Variants in ADD2 observed in about 807,000 individuals in gnomAD.
ADD2 encodes adducin 2.
Under a neutral mutation model 83.0 loss-of-function variants are expected in ADD2, and 23 were observed. The observed-to-expected ratio is 0.28, with a 90% CI of 0.20 to 0.39. The LOEUF is 0.39. Ranked by LOEUF, ADD2 falls within the 10% of genes least tolerant of loss-of-function variation. The pLI is 1.00. For synonymous variants in ADD2, 375 were observed against 375.4 expected, an observed-to-expected ratio of 1.00 and a Z score of 0.01; for missense variants, 758 against 944.9, an observed-to-expected ratio of 0.80 and a Z score of 2.59.
intron 1 of ADD2, chr2:70,767,463 C>G (rs1183437832): frequency 4.0e-6 from 1 of 247,776 alleles, no homozygotes; most frequent in East Asian, 1.5e-4. Flanking sequence ...AAGCCCGCCT[C>G]GCACCGCTAC....
chr2:70,742,005 TC>T (rs1456185974), intron 1 of ADD2, among the ~76,000 whole-genome samples: 72 of 152,000 alleles, frequency 4.7e-4, no homozygotes, highest in African/African-American at 1.6e-3. Context: ...CAAACTGTGT[TC>T]CAAGAACCTG....
Position 70,676,745 on chromosome 2 carries a change from C to T in ADD2, c.1593+51G>A, listed in dbSNP as rs782464854. ...GCAACCCAGCCCCAGGCACAGAAGA[C>T]CCCGAAGGCAAACACGTTTCCCCGC... On this transcript the variant is annotated intron_variant, in intron 13 of 15. Coordinates refer to ENST00000264436, the MANE Select transcript of ADD2 (RefSeq NM_001617.4). The surrounding 1 kb of genome is among the most constrained non-coding windows in gnomAD (Gnocchi z 4.8). The T allele has an allele frequency of 1.6e-5, 26 of 1,613,028 alleles. No individual in the cohort carries two copies. Among genetic ancestry groups the T allele is most frequent in the Non-Finnish European group, 2.1e-5 (25 of 1,179,544 alleles).
rs148983729 is a variant in ADD2 at position 70,726,831 on chromosome 2, C to T, written c.-153-13647G>A. 4.4e-3 allele frequency among the ~76,000 whole-genome samples: 668 copies of T among 152,222 alleles called. 7 individuals are homozygous for T. The highest frequency in any genetic ancestry group is 6.6e-3 in the Non-Finnish European group (451 of 68,010). ...CCACTAAAACAGCCTATGTCAAGAA[C>T]GTTTTTAAAAAGCTGGTCTACGAAA... On this transcript the variant is annotated intron_variant, in intron 1 of 15. Transcript: ENST00000264436.
chr2:70,734,261 A>G, intron 1 of ADD2, among the ~76,000 whole-genome samples: 1 of 152,196 alleles, frequency 6.6e-6, no homozygotes, highest in East Asian at 1.9e-4. Flanking sequence ...TGGCCAAGTG[A>G]TTGACCCATC....
intron 1 of ADD2, among the ~76,000 whole-genome samples, chr2:70,741,657 C>T (rs539072555): frequency 6.6e-6 from 1 of 152,310 alleles, no homozygotes; most frequent in South Asian, 2.1e-4. Flanking sequence ...AGCCTTCCTC[C>T]TGCTGCAGTC....
intron 13 of ADD2, 64 bp from the exon 14 acceptor site, chr2:70,674,889 C>T (rs1670057804): frequency 6.4e-7 from 1 of 1,559,396 alleles, no homozygotes; most frequent in Non-Finnish European, 8.7e-7. Context: ...CAGGCCCCAG[C>T]TTCCTTTTAG....
intron 9 of ADD2, among the ~76,000 whole-genome samples, chr2:70,686,508 G>T (rs1415843455): frequency 6.6e-6 from 1 of 152,168 alleles, no homozygotes; most frequent in African/African-American, 2.4e-5. Context: ...CATGTGGGGT[G>T]GTGCGACACA....
In ADD2 at chr2:70,673,156, C is replaced by G. The variant is rs78306076; in HGVS notation, c.1742-150G>C. 5 of 1,564,080 alleles carry G rather than the reference C, an allele frequency of 3.2e-6. No homozygotes were observed. In the African/African-American group the frequency reaches 4.1e-5, roughly 13 times the overall value. Reference sequence around the variant, plus strand: ...TTCTAGCTGAAGTTAGCTCCTCCCCCTGACCTTCTTAGATTTCTGCTACTT... The same window carrying G: ...TTCTAGCTGAAGTTAGCTCCTCCCCGTGACCTTCTTAGATTTCTGCTACTT... On this transcript the variant is annotated intron_variant, in intron 14 of 15. Transcript: ENST00000264436.
intron 1 of ADD2, among the ~76,000 whole-genome samples, chr2:70,755,793 G>A (rs1162109940): frequency 2.6e-5 from 4 of 152,154 alleles, no homozygotes; most frequent in African/African-American, 4.8e-5. Flanking sequence ...GGGCACGGTG[G>A]CTCACGCCTG....
intron 1 of ADD2, among the ~76,000 whole-genome samples, chr2:70,757,377 T>C (rs1674849739): frequency 6.6e-6 from 1 of 152,024 alleles, no homozygotes; most frequent in Admixed American, 6.6e-5. Flanking sequence ...AAGTGTTGCC[T>C]TAAAAACTAA....
intron 6 of ADD2, among the ~76,000 whole-genome samples, chr2:70,692,979 A>T (rs80066957): frequency 2.6e-4 from 40 of 152,228 alleles, no homozygotes; most frequent in African/African-American, 9.6e-4. Flanking sequence ...GGAGTCTTTC[A>T]TCCCATCAGA....
rs529336408 is a variant in ADD2 at position 70,679,169 on chromosome 2, C to G, written c.1126-208G>C. On this transcript the variant is annotated intron_variant, in intron 10 of 15. Transcript: ENST00000264436. The stretch of plus-strand genomic sequence containing the variant: ...TCCCCCATCCCCTCTCTTTCTCTAC[C>G]CCAACAAGTCCTCTGATCAGGGCTG... Among the ~76,000 whole-genome samples the G allele has an allele frequency of 5.3e-5, 8 of 152,268 alleles. 1 individual carries two copies. The South Asian group carries it at 1.7e-3, about 32-fold the overall frequency.
At chr2:70,675,867 A>T in intron 13 of ADD2, 1 of 985,040 alleles carries the variant, frequency 1.0e-6, no homozygotes, top group Non-Finnish European at 1.2e-6. Context: ...TTTTTTTAAC[A>T]GTGTTGCTCA....
chr2:70,659,058 G>A lies in ADD2; in HGVS notation c.*4367C>T, dbSNP rs1405925934. 6.9e-6 allele frequency: 1 copy of A among 144,772 alleles called. No homozygotes were observed. Among genetic ancestry groups the A allele is most frequent in the Non-Finnish European group, 1.5e-5 (1 of 67,312 alleles). 9.0% of individuals were successfully genotyped at this position (144,772 alleles called of 1,614,324 possible). On this transcript the variant is annotated 3_prime_UTR_variant, in exon 16 of 16. Transcript: ENST00000264436. ...CTTGGGAGGCTGAGACAGAAGAATC[G>A]CTTGAAAAACCGGGAGGCAGAGGTT...
chr2:70,666,385 TG>T (rs1558516415), intron 15 of ADD2, among the ~76,000 whole-genome samples: 1 of 152,238 alleles, frequency 6.6e-6, no homozygotes, highest in East Asian at 1.9e-4. Flanking sequence ...ACACCAGCCC[TG>T]AGTGCTGGCC....
At chr2:70,716,240 C>A (rs1486012758) in intron 1 of ADD2, among the ~76,000 whole-genome samples, 1 of 152,106 alleles carries the variant, frequency 6.6e-6, no homozygotes, top group African/African-American at 2.4e-5. Context: ...AGCCCCTTCT[C>A]CTTGAGGACA....
At chr2:70,704,264 CCCCA>C in intron 4 of ADD2, 53 bp downstream of exon 4, 10 of 425,202 alleles carry the variant, frequency 2.4e-5, no homozygotes, top group East Asian at 7.1e-5. Flanking sequence ...TCCCTCTCTT[CCCCA>C]CCCCACCCTC....
chr2:70,668,713 A>C (rs1197711429), intron 15 of ADD2, among the ~76,000 whole-genome samples: 1 of 152,184 alleles, frequency 6.6e-6, no homozygotes, highest in African/African-American at 2.4e-5. Flanking sequence ...AAAGACATGG[A>C]GAAGGAATAT....
At chr2:70,704,593 G>C in intron 3 of ADD2, 134 bp from the exon 4 acceptor site, 1 of 986,818 alleles carries the variant, frequency 1.0e-6, no homozygotes, top group Middle Eastern at 2.1e-4. Flanking sequence ...CCAGCTACAG[G>C]GGACACTGAG....
Sources: gnomAD v4.1 joint callset for allele counts (sites outside exome capture counted in the v4.1 genomes callset) on GRCh38, gnomAD v4.1.1 for gene constraint, Gnocchi (gnomAD v3.1) non-coding constraint, MANE v1.5 for transcripts, NCBI Gene and HGNC (gene_info 2026-07-23, HGNC 2026-07-21) for gene names.